Variants in CPD observed in about 807,000 individuals in gnomAD.
CPD encodes metallocarboxypeptidase D.
A neutral mutation model predicts 138.3 loss-of-function variants in CPD; 69 were observed. That is an observed-to-expected ratio of 0.50 (90% CI 0.41 to 0.61). The LOEUF is 0.61. CPD is among the 20% of genes least tolerant of loss of function. The pLI, the probability that CPD is intolerant of heterozygous loss-of-function variation, is 0.00. For missense variants in CPD, 1,432 were observed against 1,733.3 expected, an observed-to-expected ratio of 0.83 and a Z score of 3.09; for synonymous variants, 651 against 642.1, an observed-to-expected ratio of 1.01 and a Z score of -0.21.
In CPD at chr17:30,443,872, G is replaced by A. The variant is rs745970699; in HGVS notation, c.2444G>A (p.Ser815Asn). 3 of 1,613,972 alleles carry A rather than the reference G, an allele frequency of 1.9e-6. No homozygotes were observed. The highest frequency in any genetic ancestry group is 1.3e-5 in the African/African-American group (1 of 75,024). ...AGGGGTATATTAAATGCCACCATTAGTGTTGCTGAGATTAATCACCCAGTG... is the reference window on the plus strand; with the variant it reads ...AGGGGTATATTAAATGCCACCATTAATGTTGCTGAGATTAATCACCCAGTG... The part of the protein sequence containing the change: ...DGRGILNATI[S>N]VAEINHPVTT... Residue 815 changes from serine (S) to asparagine (N), a missense_variant, in exon 11 of 21, where the codon AGT (serine) becomes AAT (asparagine). Coordinates refer to ENST00000225719, the MANE Select transcript of CPD (RefSeq NM_001304.5).
chr17:30,445,705 C>T lies in CPD; in HGVS notation c.2558C>T (p.Thr853Ile). Residue 853 changes from threonine to isoleucine, a missense_variant, in exon 12 of 21, where the codon ACC becomes ATC. By Grantham distance (89) the Thr-to-Ile change is moderately conservative. This residue lies in a region of CPD where 297 missense variants were observed against 405.3 expected (regional missense o/e 0.73). Transcript: ENST00000225719. ...CTTTATCATAGGTATAATCCAGTTACCAAGAATGTGACTGTCAAGAGTGAA... is the reference window on the plus strand; with the variant it reads ...CTTTATCATAGGTATAATCCAGTTATCAAGAATGTGACTGTCAAGAGTGAA... Reference protein sequence around the residue: ...TASARGYNPVTKNVTVKSEGA... With the variant: ...TASARGYNPVIKNVTVKSEGA... 1 of 1,605,700 alleles carries T rather than the reference C, an allele frequency of 6.2e-7. No homozygotes were observed. The highest frequency in any genetic ancestry group is 8.5e-7 in the Non-Finnish European group (1 of 1,175,438).
At chr17:30,447,359 G>A (rs1913058943) in intron 12 of CPD, among the ~76,000 whole-genome samples, 1 of 152,150 alleles carries the variant, frequency 6.6e-6, no homozygotes, top group African/African-American at 2.4e-5. Flanking sequence ...TGTATAAGGT[G>A]TAAGGAAGGG....
At chr17:30,431,725 C>T in intron 7 of CPD, 47 bp from the exon 8 acceptor site, 1 of 1,218,316 alleles carries the variant, frequency 8.2e-7, no homozygotes, top group South Asian at 1.3e-5. Context: ...GTTAATAATC[C>T]ATCTTGAAAC....
intron 10 of CPD, 47 bp downstream of exon 10, chr17:30,442,497 G>C: frequency 6.3e-7 from 1 of 1,588,868 alleles, no homozygotes. Context: ...AGGGTGAAAA[G>C]ATTTTTGTGC....
chr17:30,392,641 C>T (rs964415877), intron 2 of CPD, among the ~76,000 whole-genome samples: 1 of 152,054 alleles, frequency 6.6e-6, no homozygotes, highest in Admixed American at 6.6e-5. Context: ...GCATGATGAC[C>T]TTCAGTTTGA....
At chr17:30,452,313 CTG>C (rs749704828) in intron 14 of CPD, among the ~76,000 whole-genome samples, 3 of 149,634 alleles carry the variant, frequency 2.0e-5, no homozygotes, top group Non-Finnish European at 4.4e-5. Flanking sequence ...GAGTCTCACT[CTG>C]TTGCCCAGGC....
intron 17 of CPD, among the ~76,000 whole-genome samples, chr17:30,460,300 A>T (rs1005798413): frequency 6.6e-6 from 1 of 152,160 alleles, no homozygotes; most frequent in Non-Finnish European, 1.5e-5. Flanking sequence ...CTTTGTTTTA[A>T]TAAGAATGGG....
intron 2 of CPD, among the ~76,000 whole-genome samples, chr17:30,414,743 G>A (rs1240675341): frequency 6.6e-6 from 1 of 152,180 alleles, no homozygotes; most frequent in Non-Finnish European, 1.5e-5. Context: ...TATAAAATGT[G>A]AATCCAAGGC....
intron 2 of CPD, among the ~76,000 whole-genome samples, chr17:30,409,902 T>A (rs537469358): frequency 6.6e-6 from 1 of 152,348 alleles, no homozygotes; most frequent in South Asian, 2.1e-4. Context: ...CTGCTAGCTT[T>A]TGAATGTGTT....
chr17:30,431,664 T>C (rs1399516346), intron 7 of CPD, 108 bp from the exon 8 acceptor site: 4 of 716,374 alleles, frequency 5.6e-6, no homozygotes, highest in Non-Finnish European at 9.4e-6. Flanking sequence ...AAATTCTGCT[T>C]GGCAAATTTT....
chr17:30,380,966 A>G (rs1911026139), intron 1 of CPD, among the ~76,000 whole-genome samples: 1 of 152,272 alleles, frequency 6.6e-6, no homozygotes, highest in South Asian at 2.1e-4. Flanking sequence ...GCTAAGATAA[A>G]GAAGTTTCCC....
chr17:30,406,355 A>G (rs1911801023), intron 2 of CPD, among the ~76,000 whole-genome samples: 1 of 152,132 alleles, frequency 6.6e-6, no homozygotes, highest in Non-Finnish European at 1.5e-5. Context: ...GTCAATATTT[A>G]TATTATATGC....
chr17:30,426,579 T>C (rs1209273013), intron 6 of CPD, among the ~76,000 whole-genome samples: 1 of 152,154 alleles, frequency 6.6e-6, no homozygotes, highest in Non-Finnish European at 1.5e-5. Flanking sequence ...CAGAATAACA[T>C]CTCAGAAGGC....
At chr17:30,389,531 A>G (rs2143316372) in intron 2 of CPD, among the ~76,000 whole-genome samples, 1 of 152,330 alleles carries the variant, frequency 6.6e-6, no homozygotes, top group Non-Finnish European at 1.5e-5. Context: ...TACTTAAAAT[A>G]ATGGGGTAAA....
In CPD at chr17:30,446,830, A is replaced by T. The variant is rs565843570; in HGVS notation, c.2873+810A>T. On this transcript the variant is annotated intron_variant, in intron 12 of 20. Coordinates refer to ENST00000225719, the MANE Select transcript of CPD (RefSeq NM_001304.5). ...GTTCCTATTTCTCCACATCCTCTCC[A>T]GCACCTGTTGTTTCCTGACTTTTTA... Among the ~76,000 whole-genome samples the T allele has an allele frequency of 1.1e-4, 16 of 152,322 alleles. No homozygotes were observed. The East Asian group carries it at 1.9e-3, about 18-fold the overall frequency.
Position 30,451,818 on chromosome 17 carries a change from T to C in CPD, c.3177T>C (p.Arg1059=). ...CAAAAATAGGACAAACAAATGCTCG[T>C]GGCAAAGATTTGGATACAGACTTCA... ...CTSKIGQTNA[R]GKDLDTDFTN... Residue 1059 remains arginine (R), a synonymous_variant, in exon 14 of 21, where the codon CGT becomes CGC. Transcript: ENST00000225719. 1 of 1,614,058 alleles carries C rather than the reference T, an allele frequency of 6.2e-7. No homozygotes were observed. The highest frequency in any genetic ancestry group is 8.5e-7 in the Non-Finnish European group (1 of 1,179,954).
chr17:30,420,165 C>A (rs1912228012), intron 2 of CPD, among the ~76,000 whole-genome samples: 1 of 152,080 alleles, frequency 6.6e-6, no homozygotes, highest in Non-Finnish European at 1.5e-5. Context: ...GGTGATAGAC[C>A]ATGGATGCTT....
Position 30,461,198 on chromosome 17 carries a change from G to A in CPD, c.3517G>A (p.Gly1173Ser), listed in dbSNP as rs1457261697. 6.2e-7 allele frequency: 1 copy of A among 1,601,756 alleles called. No homozygotes were observed. The highest frequency in any genetic ancestry group is 8.5e-7 in the Non-Finnish European group (1 of 1,175,280). Residue 1173 changes from glycine (G) to serine (S), a missense_variant, in exon 18 of 21, where the codon GGC (glycine) becomes AGC (serine). Coordinates refer to ENST00000225719, the MANE Select transcript of CPD (RefSeq NM_001304.5). ...GSMKDYSVTYGHCPEITVYTS... is the reference protein window; with the variant it reads ...GSMKDYSVTYSHCPEITVYTS... ...ATTCTAGGATTATAGTGTCACCTAT[G>A]GCCATTGTCCGGAAATCACAGTATA...
Position 30,462,050 on chromosome 17 carries a change from A to G in CPD, c.3804A>G (p.Gln1268=). 6.2e-7 allele frequency: 1 copy of G among 1,608,152 alleles called. No homozygotes were observed. Among genetic ancestry groups the G allele is most frequent in the South Asian group, 1.1e-5 (1 of 89,978 alleles). Residue 1268 remains glutamine, a synonymous_variant, in exon 19 of 21, where the codon CAA becomes CAG. Transcript: ENST00000225719. The part of the protein sequence containing the change: ...NIIAIADGYQ[Q]QHSQVFVHHD... ...TTGCCATCGCTGATGGGTACCAGCA[A>G]CAACATTCACAGGTAAGAAACTCAA...
Sources: gnomAD v4.1 joint callset for allele counts (sites outside exome capture counted in the v4.1 genomes callset) on GRCh38, gnomAD v4.1.1 for gene constraint, gnomAD v4.1.1 regional missense constraint, MANE v1.5 for transcripts, NCBI Gene and HGNC (gene_info 2026-07-23, HGNC 2026-07-21) for gene names.